RAB38: variants seen among roughly 807,000 people sequenced by gnomAD.
RAB38 encodes ras-related protein Rab-38.
In RAB38, 15 loss-of-function variants were observed where a neutral mutation model predicts 18.4. The observed-to-expected ratio is 0.82, with a 90% CI of 0.55 to 1.26. The LOEUF is 1.26. Ranked by LOEUF, RAB38 falls within the 50% of genes most tolerant of loss-of-function variation. RAB38 has a pLI of 0.00. For synonymous variants in RAB38, 101 were observed against 104.4 expected, an observed-to-expected ratio of 0.97 and a Z score of 0.20; for missense variants, 294 against 267.4, an observed-to-expected ratio of 1.10 and a Z score of -0.69.
chr11:87,893,286 T>TG, the RAB38 span, among the ~76,000 whole-genome samples: 25 of 139,224 alleles, frequency 1.8e-4, no homozygotes, highest in East Asian at 5.0e-3. Context: ...TTTCCAGATT[T>TG]TGTGTGTGTG....
the RAB38 span, among the ~76,000 whole-genome samples, chr11:87,977,863 T>TTATAAATATA: frequency 2.7e-5 from 3 of 111,984 alleles, no homozygotes; most frequent in Non-Finnish European, 5.0e-5. Flanking sequence ...AGTAATATAC[T>TTATAAATATA]TACAAATATA....
At chr11:87,878,289 TCTATCTATCTAC>T in the RAB38 span, among the ~76,000 whole-genome samples, 3 of 142,500 alleles carry the variant, frequency 2.1e-5, no homozygotes, top group Non-Finnish European at 3.1e-5. Context: ...TATCTATCTA[TCTATCTATCTAC>T]CTATCATCTA....
At chr11:88,024,249 G>C in the RAB38 span, among the ~76,000 whole-genome samples, 1 of 152,128 alleles carries the variant, frequency 6.6e-6, no homozygotes, top group Non-Finnish European at 1.5e-5. Context: ...TTTCTCAAAA[G>C]AAGATATACA....
chr11:87,912,541 C>T, the RAB38 span, among the ~76,000 whole-genome samples: 1 of 151,744 alleles, frequency 6.6e-6, no homozygotes, highest in Admixed American at 6.6e-5. Flanking sequence ...GTAGTTGTCA[C>T]TTATTTTATT....
At chr11:87,898,064 TAAAA>T in the RAB38 span, among the ~76,000 whole-genome samples, 10 of 151,596 alleles carry the variant, frequency 6.6e-5, no homozygotes, top group East Asian at 2.0e-3. Context: ...TTCCCAAAAA[TAAAA>T]AGAGAAATAT....
the RAB38 span, among the ~76,000 whole-genome samples, chr11:87,882,672 A>T: frequency 6.6e-6 from 1 of 151,850 alleles, no homozygotes; most frequent in Non-Finnish European, 1.5e-5. Context: ...AGGGTGTGAT[A>T]ATGAAACAAG....
At chr11:87,950,601 C>T in the RAB38 span, among the ~76,000 whole-genome samples, 1 of 152,154 alleles carries the variant, frequency 6.6e-6, no homozygotes, top group African/African-American at 2.4e-5. Context: ...AATCTCTCAG[C>T]ATTTGCTTGT....
At chr11:87,928,406 A>G in the RAB38 span, among the ~76,000 whole-genome samples, 1 of 152,072 alleles carries the variant, frequency 6.6e-6, no homozygotes, top group Admixed American at 6.6e-5. Flanking sequence ...CAGTCTCCCC[A>G]TGATATATAC....
the RAB38 span, among the ~76,000 whole-genome samples, chr11:88,028,496 A>C: frequency 2.6e-5 from 4 of 152,170 alleles, no homozygotes; most frequent in Non-Finnish European, 5.9e-5. Context: ...ATTTAGAAGA[A>C]TGTATAACTA....
the RAB38 span, among the ~76,000 whole-genome samples, chr11:88,089,236 A>T: frequency 2.6e-5 from 4 of 151,436 alleles, no homozygotes; most frequent in Non-Finnish European, 5.9e-5. Context: ...TTGTTGGGCA[A>T]CCCTGAGGTG....
At chr11:87,875,962 A>G in the RAB38 span, among the ~76,000 whole-genome samples, 12 of 151,516 alleles carry the variant, frequency 7.9e-5, 1 homozygote, top group African/African-American at 2.9e-4. Flanking sequence ...TTTATTTTCT[A>G]TATTGCTTTT....
At chr11:87,940,546 C>CA in the RAB38 span, among the ~76,000 whole-genome samples, 1 of 151,672 alleles carries the variant, frequency 6.6e-6, no homozygotes, top group African/African-American at 2.4e-5. Context: ...TCCTGCTTGT[C>CA]AAAAGGGTTT....
At chr11:87,857,033 G>A in the RAB38 span, among the ~76,000 whole-genome samples, 3 of 151,758 alleles carry the variant, frequency 2.0e-5, no homozygotes, top group African/African-American at 2.4e-5. Flanking sequence ...CCCACGACAG[G>A]CCCCATTGTG....
chr11:87,952,625 A>AGTATT, the RAB38 span, among the ~76,000 whole-genome samples: 1 of 152,164 alleles, frequency 6.6e-6, no homozygotes, highest in Non-Finnish European at 1.5e-5. Flanking sequence ...CCAACATCAC[A>AGTATT]GTATTGTAAT....
At chr11:87,935,535 TTTA>T in the RAB38 span, among the ~76,000 whole-genome samples, 2 of 152,034 alleles carry the variant, frequency 1.3e-5, no homozygotes, top group Non-Finnish European at 2.9e-5. Flanking sequence ...AATTATTATT[TTTA>T]TTATTATTTT....
the RAB38 span, among the ~76,000 whole-genome samples, chr11:87,950,588 C>T: frequency 1.3e-5 from 2 of 152,132 alleles, no homozygotes; most frequent in African/African-American, 4.8e-5. Flanking sequence ...CTGGTAGTGA[C>T]AAAATCTCTC....
At chr11:87,855,178 G>A in the RAB38 span, among the ~76,000 whole-genome samples, 1 of 152,058 alleles carries the variant, frequency 6.6e-6, no homozygotes, top group Non-Finnish European at 1.5e-5. Flanking sequence ...TTGTTTATTA[G>A]TAAGCTAAGG....
At chr11:87,869,114 A>G in the RAB38 span, among the ~76,000 whole-genome samples, 1 of 151,658 alleles carries the variant, frequency 6.6e-6, no homozygotes, top group Non-Finnish European at 1.5e-5. Flanking sequence ...CATAAAACAA[A>G]CCATTTTAAA....
chr11:87,963,669 C>T, the RAB38 span, among the ~76,000 whole-genome samples: 2,187 of 143,316 alleles, frequency 0.015, 53 homozygotes, highest in African/African-American at 0.054. Flanking sequence ...TTTTTTGAGA[C>T]GGATTCTTGC....
Sources: allele counts gnomAD v4.1 joint callset (sites outside exome capture counted in the v4.1 genomes callset), GRCh38; gene constraint gnomAD v4.1.1; transcripts MANE v1.5; gene names NCBI Gene and HGNC (gene_info 2026-07-23, HGNC 2026-07-21).